KLKB1: variants seen among roughly 807,000 people sequenced by gnomAD.
The protein encoded by KLKB1 is kallikrein B1.
KLKB1 carries 58 observed loss-of-function variants against 73.6 expected under a neutral mutation model. That is an observed-to-expected ratio of 0.79 (90% CI 0.64 to 0.98). KLKB1 has a LOEUF of 0.98. Ranked by LOEUF, KLKB1 falls within the 50% of genes least tolerant of loss-of-function variation. KLKB1 has a pLI of 0.00. For missense variants in KLKB1, 737 were observed against 763.8 expected (o/e 0.96, Z 0.41); for synonymous variants, 280 against 258.1 (o/e 1.08, Z -0.81).
At chr4:186,236,165 G>T (rs953249907) in intron 4 of KLKB1, among the ~76,000 whole-genome samples, 9 of 149,218 alleles carry the variant, frequency 6.0e-5, no homozygotes, top group African/African-American at 2.2e-4. Context: ...TCTGTGAAAA[G>T]AATTATCTGT....
At chr4:186,245,919 G>A (rs535741613) in intron 6 of KLKB1, among the ~76,000 whole-genome samples, 20 of 150,778 alleles carry the variant, frequency 1.3e-4, no homozygotes, top group Non-Finnish European at 2.8e-4. Context: ...GCTGTAAAGC[G>A]TCTCAGGGTT....
chr4:186,238,668 C>G (rs976378619), intron 6 of KLKB1, among the ~76,000 whole-genome samples: 1 of 152,086 alleles, frequency 6.6e-6, no homozygotes, highest in Non-Finnish European at 1.5e-5. Context: ...GATGAAGGTC[C>G]GTGAGCCAAG....
chr4:186,234,116 C>A, intron 4 of KLKB1, 58 bp downstream of exon 4: 1 of 1,325,206 alleles, frequency 7.5e-7, no homozygotes, highest in Non-Finnish European at 1.1e-6. Flanking sequence ...CTTAGAACAG[C>A]TTTTGCTCAA....
In KLKB1 at chr4:186,238,294, C is replaced by A; in HGVS notation, c.527C>A (p.Pro176His). ...TTAAAGTACAGTCCCGGAGGAACAC[C>A]TACCGCTATAAAGGTGCTGAGTAAC... is the stretch of plus-strand genomic sequence containing the variant. ...CLLKYSPGGT[P>H]TAIKVLSNVE... Residue 176 changes from proline to histidine, a missense_variant, in exon 6 of 15, where the codon CCT becomes CAT. Coordinates refer to ENST00000264690, the MANE Select transcript of KLKB1 (RefSeq NM_000892.5). 6.2e-7 allele frequency: 1 copy of A among 1,613,924 alleles called. No homozygotes were observed. Among genetic ancestry groups the A allele is most frequent in the Non-Finnish European group, 8.5e-7 (1 of 1,179,818 alleles).
chr4:186,213,456 C>T (rs557312227), intron 2 of KLKB1: 10 of 152,340 alleles, frequency 6.6e-5, no homozygotes, highest in African/African-American at 2.2e-4. Flanking sequence ...ATAGCACTTT[C>T]GAGCTGATGT....
chr4:186,213,008 G>A (rs1003475878), intron 2 of KLKB1: 3 of 152,170 alleles, frequency 2.0e-5, no homozygotes, highest in Non-Finnish European at 4.4e-5. Flanking sequence ...TGTATTTGTG[G>A]AAATTGGTAT....
chr4:186,256,976 T>A (rs1313314470), intron 13 of KLKB1, among the ~76,000 whole-genome samples: 1 of 117,758 alleles, frequency 8.5e-6, no homozygotes, highest in Non-Finnish European at 1.7e-5. Context: ...TCTCTCCCTC[T>A]TCCTCTCTCT....
chr4:186,254,214 G>A (rs1287965254), intron 11 of KLKB1, among the ~76,000 whole-genome samples: 2 of 152,206 alleles, frequency 1.3e-5, no homozygotes. Context: ...CTGACTTCTT[G>A]ACAGTTCTGA....
chr4:186,217,682 C>A (rs960339382), intron 2 of KLKB1, among the ~76,000 whole-genome samples: 1 of 152,100 alleles, frequency 6.6e-6, no homozygotes, highest in Non-Finnish European at 1.5e-5. Flanking sequence ...AAAGGAGAAT[C>A]AGTTGTTTTG....
At chr4:186,224,565 C>T (rs1013549008), upstream of KLKB1, among the ~76,000 whole-genome samples, 2 of 152,186 alleles carry the variant, frequency 1.3e-5, no homozygotes, top group Non-Finnish European at 2.9e-5. Context: ...ACCTGTGGCC[C>T]CTTTATTTTG....
intron 13 of KLKB1, 79 bp downstream of exon 13, chr4:186,256,166 T>C (rs2126679388): frequency 1.2e-6 from 1 of 847,052 alleles, no homozygotes; most frequent in East Asian, 2.5e-5. Context: ...TTTTAATCGG[T>C]TTCTGTCTGA....
chr4:186,215,681 A>T (rs1308851649), intron 2 of KLKB1, among the ~76,000 whole-genome samples: 1 of 152,068 alleles, frequency 6.6e-6, no homozygotes, highest in Non-Finnish European at 1.5e-5. Flanking sequence ...TCAAGGGATC[A>T]TCCCACCTCA....
At position 186,251,095 on chromosome 4, in the gene KLKB1, G is replaced by A. The variant is rs959926832; in HGVS notation, c.759-124G>A. ...GTCCTGTAGTTGGATTTACTTTGAA[G>A]AGAGTTTCCCAGAAGAATAAAATTT... On this transcript the variant is annotated intron_variant, in intron 7 of 14. Transcript: ENST00000264690. 1.2e-5 allele frequency: 8 copies of A among 672,200 alleles called. No individual in the cohort carries two copies. In the East Asian group the frequency reaches 2.2e-4, roughly 18 times the overall value. 41.6% of individuals were successfully genotyped at this position (672,200 alleles called of 1,614,324 possible).
At chr4:186,222,908 C>T (rs925876269), upstream of KLKB1, among the ~76,000 whole-genome samples, 4 of 152,164 alleles carry the variant, frequency 2.6e-5, no homozygotes, top group Non-Finnish European at 5.9e-5. Context: ...CAAATCTCAT[C>T]TCGAATTGCA....
At chr4:186,224,165 C>G (rs148609749), upstream of KLKB1, among the ~76,000 whole-genome samples, 13 of 152,248 alleles carry the variant, frequency 8.5e-5, no homozygotes, top group African/African-American at 2.7e-4. Flanking sequence ...GTGGAAACAC[C>G]TGGCTGTCCA....
intron 3 of KLKB1, among the ~76,000 whole-genome samples, chr4:186,233,149 G>A (rs757814910): frequency 6.6e-5 from 10 of 152,120 alleles, no homozygotes; most frequent in Non-Finnish European, 1.0e-4. Flanking sequence ...TCCTGACCTC[G>A]TGATCCACCT....
upstream of KLKB1, among the ~76,000 whole-genome samples, chr4:186,222,984 A>T (rs148074229): frequency 1.3e-5 from 2 of 152,168 alleles, no homozygotes; most frequent in Non-Finnish European, 2.9e-5. Context: ...TTCCCCCATT[A>T]TGTTCTCATG....
chr4:186,243,687 G>A (rs979152482), intron 6 of KLKB1, among the ~76,000 whole-genome samples: 15 of 152,196 alleles, frequency 9.9e-5, no homozygotes, highest in Non-Finnish European at 1.5e-5. Context: ...TAACCGCATG[G>A]TGGTGCAGAA....
intron 11 of KLKB1, among the ~76,000 whole-genome samples, chr4:186,253,929 G>A (rs1451278797): frequency 3.3e-5 from 5 of 152,144 alleles, no homozygotes; most frequent in African/African-American, 7.2e-5. Flanking sequence ...TCTGCCTCCC[G>A]GGTTCAAGCG....
Sources: gnomAD v4.1 joint callset for allele counts (sites outside exome capture counted in the v4.1 genomes callset) on GRCh38, gnomAD v4.1.1 for gene constraint, MANE v1.5 for transcripts, NCBI Gene and HGNC (gene_info 2026-07-23, HGNC 2026-07-21) for gene names.